The following CD72 variants were observed in gnomAD, a reference collection of about 807,000 sequenced individuals.
The protein encoded by CD72 is B-cell differentiation antigen CD72.
A neutral mutation model predicts 50.7 loss-of-function variants in CD72; 28 were observed. The ratio of observed to expected loss-of-function variants is 0.55; its 90% CI spans 0.41 to 0.76. The LOEUF is 0.76. Among genes scored for constraint, CD72 ranks in the 30% least tolerant of loss-of-function variants. The pLI is 0.00. For missense variants in CD72, 403 were observed against 420.6 expected, an observed-to-expected ratio of 0.96 and a Z score of 0.37; for synonymous variants, 176 against 171.2, an observed-to-expected ratio of 1.03 and a Z score of -0.22.
At chr9:35,641,482 T>C (rs532431555) in intron 1 of CD72, among the ~76,000 whole-genome samples, 1 of 152,316 alleles carries the variant, frequency 6.6e-6, no homozygotes, top group Admixed American at 6.5e-5. Context: ...GGCCATCTGA[T>C]GGGTGCTATC....
chr9:35,611,594 T>C (rs1822985985), intron 7 of CD72, among the ~76,000 whole-genome samples: 1 of 152,168 alleles, frequency 6.6e-6, no homozygotes, highest in African/African-American at 2.4e-5. Flanking sequence ...CAAAAAAGTA[T>C]GTGCCAGGGA....
At chr9:35,616,343 G>A (rs1305241091) in intron 4 of CD72, 65 bp from the exon 5 acceptor site, 2 of 1,292,010 alleles carry the variant, frequency 1.5e-6, no homozygotes, top group East Asian at 4.9e-5. Context: ...TGAGACTGCA[G>A]CATCAGCCCT....
chr9:35,636,893 C>G (rs1012397881), intron 1 of CD72, among the ~76,000 whole-genome samples: 1 of 152,198 alleles, frequency 6.6e-6, no homozygotes, highest in African/African-American at 2.4e-5. Context: ...TGGCCTGAAG[C>G]AACTGAAGAT....
intron 1 of CD72, among the ~76,000 whole-genome samples, chr9:35,636,707 T>C (rs1823293288): frequency 6.6e-6 from 1 of 152,158 alleles, no homozygotes; most frequent in African/African-American, 2.4e-5. Flanking sequence ...TCCCAGTACT[T>C]TGGGAGGCCT....
At chr9:35,618,553 A>G, upstream of CD72, 1 of 862,436 alleles carries the variant, frequency 1.2e-6, no homozygotes, top group Non-Finnish European at 1.8e-6. Flanking sequence ...TGAGGTCCAG[A>G]ACACAGGGGT....
chr9:35,646,176 A>G (rs1397455416), intron 1 of CD72: 1 of 152,282 alleles, frequency 6.6e-6, no homozygotes, highest in Non-Finnish European at 1.5e-5. Flanking sequence ...AAAAGAAAAA[A>G]AAAAAGAACT....
chr9:35,644,647 CTA>C (rs1436524874), intron 1 of CD72, among the ~76,000 whole-genome samples: 1 of 152,104 alleles, frequency 6.6e-6, no homozygotes, highest in African/African-American at 2.4e-5. Flanking sequence ...CTCCTTTTGG[CTA>C]TATGATTCTA....
intron 1 of CD72, among the ~76,000 whole-genome samples, chr9:35,637,387 G>C (rs1051254738): frequency 1.3e-5 from 2 of 152,174 alleles, no homozygotes; most frequent in Non-Finnish European, 2.9e-5. Flanking sequence ...TCGGGAGGCG[G>C]GTCCCCTGTC....
At chr9:35,621,442 T>G (rs551895517), upstream of CD72, among the ~76,000 whole-genome samples, 3 of 152,220 alleles carry the variant, frequency 2.0e-5, no homozygotes, top group Non-Finnish European at 4.4e-5. Context: ...ACTCTGAAAG[T>G]CAGGCTATAT....
At position 35,610,719 on chromosome 9, in the gene CD72, G is replaced by A. The variant is rs762105893; in HGVS notation, c.985C>T (p.His329Tyr). The A allele has an allele frequency of 1.9e-6, 3 of 1,612,484 alleles. No individual in the cohort carries two copies. The highest frequency in any genetic ancestry group is 1.3e-5 in the African/African-American group (1 of 74,894). The change falls in exon 8 of 9, where the codon CAT becomes TAT. Residue 329 changes from histidine (H) to tyrosine (Y), a missense_variant. By Grantham distance (83) the His-to-Tyr change is moderately conservative (BLOSUM62 2). Coordinates refer to ENST00000259633, the MANE Select transcript of CD72 (RefSeq NM_001782.3). Reference protein sequence around the residue: ...YAQSSKCNKVHKTWSWWTLES... With the variant: ...YAQSSKCNKVYKTWSWWTLES... ...AGTGTCCACCATGACCAAGTTTTAT[G>A]TACCTTGTTACATTTTGAGCTTTGA... is the stretch of plus-strand genomic sequence containing the variant.
At chr9:35,610,362 C>T (rs1822956093) in intron 8 of CD72, 62 bp from the exon 9 acceptor site, 2 of 415,990 alleles carry the variant, frequency 4.8e-6, no homozygotes, top group African/African-American at 4.1e-5. Context: ...ATCCCACTCA[C>T]CCCATCTCCT....
rs556230436 is a variant in CD72, at chr9:35,614,103, G to T, written c.689-1110C>A. ...ACACTGAAAGGTAGGCAGGAGTGATGGAAGCCATGTTAAGGATTTTTATTT... is the reference window on the plus strand; with the variant it reads ...ACACTGAAAGGTAGGCAGGAGTGATTGAAGCCATGTTAAGGATTTTTATTT... On this transcript the variant is annotated intron_variant, in intron 5 of 8. Transcript: ENST00000259633. Among the ~76,000 whole-genome samples, 9 of 152,194 alleles carry T rather than the reference G, an allele frequency of 5.9e-5. No homozygotes were observed. In the South Asian group the frequency reaches 1.2e-3, roughly 21 times the overall value.
intron 7 of CD72, 115 bp from the exon 8 acceptor site, chr9:35,610,868 C>T (rs1822970091): frequency 1.7e-5 from 13 of 765,604 alleles, no homozygotes; most frequent in Non-Finnish European, 2.9e-5. Flanking sequence ...CCTAAGGCCA[C>T]ATCTGGGCAT....
In CD72 at chr9:35,610,284, C is replaced by T. The variant is rs1021427931; in HGVS notation, c.*39G>A. 18 of 234,760 alleles carry T rather than the reference C, an allele frequency of 7.7e-5. No homozygotes were observed. The highest frequency in any genetic ancestry group is 4.1e-4 in the African/African-American group (18 of 43,688). 14.5% of individuals were successfully genotyped at this position (234,760 alleles called of 1,614,324 possible). ...AGGTTAGGAAGGAGGGGCACAGGTTCTTGTTGGCATGAGTGTCTGGAAAAG... is the reference window on the plus strand; with the variant it reads ...AGGTTAGGAAGGAGGGGCACAGGTTTTTGTTGGCATGAGTGTCTGGAAAAG... On this transcript the variant is annotated 3_prime_UTR_variant, in exon 9 of 9. Coordinates refer to ENST00000259633, the MANE Select transcript of CD72 (RefSeq NM_001782.3).
Position 35,618,312 on chromosome 9 carries a change from G to A in CD72, c.-9C>T. ...GTGATGGCCTCAGCCATGGTCCTGA[G>A]CAGCTCTGCCCCCACTCGTCTTCCC... On this transcript the variant is annotated 5_prime_UTR_variant, in exon 1 of 9. Coordinates refer to ENST00000259633, the MANE Select transcript of CD72 (RefSeq NM_001782.3). 1 of 1,614,166 alleles carries A rather than the reference G, an allele frequency of 6.2e-7. No homozygotes were observed. The highest frequency in any genetic ancestry group is 1.6e-4 in the Middle Eastern group (1 of 6,062).
At position 35,616,010 on chromosome 9, in the gene CD72, C is replaced by T. The variant is rs529428768; in HGVS notation, c.621G>A (p.Arg207=). ...ETLQSEEQQR[R]ALEQKLSNME... is the part of the protein sequence containing the mutation. The stretch of plus-strand genomic sequence containing the variant: ...TGTTGCTCAGCTTCTGCTCCAAGGC[C>T]CTCCTCTGTTGCTCCTCACTTTGCA... The change falls in exon 5 of 9, where the codon AGG becomes AGA. Residue 207 remains arginine (R), a synonymous_variant. Coordinates refer to ENST00000259633, the MANE Select transcript of CD72 (RefSeq NM_001782.3). The T allele has an allele frequency of 6.8e-6, 11 of 1,614,040 alleles. No homozygotes were observed. The Admixed American group carries it at 8.3e-5, about 12-fold the overall frequency.
intron 1 of CD72, among the ~76,000 whole-genome samples, chr9:35,630,327 C>T (rs1189077089): frequency 6.6e-6 from 1 of 152,116 alleles, no homozygotes; most frequent in African/African-American, 2.4e-5. Flanking sequence ...CATGAGCCAC[C>T]GCACCCGGCT....
upstream of CD72, chr9:35,646,832 T>G (rs907506449): frequency 1.3e-5 from 2 of 152,224 alleles, no homozygotes; most frequent in Non-Finnish European, 2.9e-5. Flanking sequence ...GACCAGACCC[T>G]GGGGTGGCCC....
chr9:35,612,914 C>T lies in CD72; in HGVS notation c.768G>A (p.Glu256=), dbSNP rs768132708. ...YISLTSKNWQ[E]SQKQCETLSS... The stretch of plus-strand genomic sequence containing the variant: ...ACAGAGTTTCACATTGTTTTTGGCT[C>T]TCCTGCCAATTTTTTGAAGTAAGTG... Residue 256 remains glutamate, a synonymous_variant, in exon 6 of 9, where the codon GAG becomes GAA. Transcript: ENST00000259633. 3 of 1,613,964 alleles carry T rather than the reference C, an allele frequency of 1.9e-6. No individual in the cohort carries two copies. The highest frequency in any genetic ancestry group is 1.3e-5 in the African/African-American group (1 of 74,916).
Sources: allele counts gnomAD v4.1 joint callset (sites outside exome capture counted in the v4.1 genomes callset), GRCh38; gene constraint gnomAD v4.1.1; transcripts MANE v1.5; gene names NCBI Gene and HGNC (gene_info 2026-07-23, HGNC 2026-07-21).